Variants in FGF14 observed in about 807,000 individuals in gnomAD.
FGF14 encodes the protein fibroblast growth factor homologous factor 4.
FGF14 carries 5 observed loss-of-function variants against 25.5 expected under a neutral mutation model. The ratio of observed to expected loss-of-function variants is 0.20; its 90% CI spans 0.10 to 0.41. The LOEUF is 0.41. FGF14 is among the 10% of genes least tolerant of loss of function. FGF14 has a pLI of 1.00. For synonymous variants in FGF14, 138 were observed against 118.3 expected, an observed-to-expected ratio of 1.17 and a Z score of -1.08; for missense variants, 222 against 320.1, an observed-to-expected ratio of 0.69 and a Z score of 2.34.
At chr13:102,094,314 T>C (rs963266008) in intron 1 of FGF14, among the ~76,000 whole-genome samples, 2 of 152,206 alleles carry the variant, frequency 1.3e-5, no homozygotes, top group Admixed American at 1.3e-4. Context: ...AAGAACTTAA[T>C]ACCAGCAAAG....
intron 3 of FGF14, among the ~76,000 whole-genome samples, chr13:101,733,736 A>G (rs1224560986): frequency 6.6e-6 from 1 of 151,992 alleles, no homozygotes; most frequent in Non-Finnish European, 1.5e-5. Context: ...CTGTTACTTA[A>G]GTAGTTTCCC....
intron 3 of FGF14, among the ~76,000 whole-genome samples, chr13:101,825,331 A>G (rs140852208): frequency 2.0e-5 from 3 of 152,220 alleles, no homozygotes; most frequent in African/African-American, 7.2e-5. Context: ...CACATCTGGC[A>G]TCAGAAGTAA....
chr13:102,012,870 T>C (rs987302575), intron 1 of FGF14, among the ~76,000 whole-genome samples: 5 of 152,136 alleles, frequency 3.3e-5, no homozygotes, highest in African/African-American at 1.2e-4. Flanking sequence ...GCCCCCTTAT[T>C]AATCTCATCT....
chr13:101,966,571 C>A (rs4771413), intron 1 of FGF14, among the ~76,000 whole-genome samples: 2 of 151,970 alleles, frequency 1.3e-5, no homozygotes, highest in African/African-American at 2.4e-5. Flanking sequence ...CAACCTCCGC[C>A]TCCCAGGTTC....
intron 1 of FGF14, among the ~76,000 whole-genome samples, chr13:101,943,458 C>T (rs1566472105): frequency 6.6e-6 from 1 of 152,168 alleles, no homozygotes; most frequent in Non-Finnish European, 1.5e-5. Context: ...TTACTGACAT[C>T]TAGTTGGTAG....
intron 1 of FGF14, among the ~76,000 whole-genome samples, chr13:102,013,985 A>G (rs1239008756): frequency 6.6e-6 from 1 of 152,178 alleles, no homozygotes; most frequent in Non-Finnish European, 1.5e-5. Context: ...TATGTCAGGT[A>G]CTTTTAATGT....
rs543042949 is a variant in FGF14, at chr13:101,843,853, C to T, written c.408+24872G>A. Among the ~76,000 whole-genome samples the T allele has an allele frequency of 2.2e-4, 34 of 152,080 alleles. No individual in the cohort carries two copies. In the South Asian group the frequency reaches 6.6e-3, roughly 30 times the overall value. On this transcript the variant is annotated intron_variant, in intron 3 of 4. Coordinates refer to ENST00000376143, the MANE Select transcript of FGF14 (RefSeq NM_004115.4). The stretch of plus-strand genomic sequence containing the variant: ...TGCATGTAAAGAGAGCTCTGTCAAA[C>T]TCTGTGGGATTTACAGTAAGAACAT...
chr13:102,200,423 T>C (rs1451201685), intron 1 of FGF14, among the ~76,000 whole-genome samples: 1 of 152,228 alleles, frequency 6.6e-6, no homozygotes, highest in Non-Finnish European at 1.5e-5. Context: ...TTCATTTATA[T>C]CTTTCTCTTT....
intron 1 of FGF14, among the ~76,000 whole-genome samples, chr13:102,151,429 A>G (rs2047079863): frequency 6.6e-6 from 1 of 152,204 alleles, no homozygotes; most frequent in Admixed American, 6.5e-5. Context: ...CCCTACTCCC[A>G]AAACGAGAGT....
At chr13:101,818,966 T>C (rs2140224769) in intron 3 of FGF14, among the ~76,000 whole-genome samples, 1 of 152,270 alleles carries the variant, frequency 6.6e-6, no homozygotes, top group South Asian at 2.1e-4. Context: ...GTTCCCTTAT[T>C]GTGAAGCTTA....
intron 1 of FGF14, among the ~76,000 whole-genome samples, chr13:101,969,253 G>C (rs1167217299): frequency 6.6e-6 from 1 of 152,134 alleles, no homozygotes; most frequent in Non-Finnish European, 1.5e-5. Context: ...GGTTACTGGG[G>C]ATTGAAGGAT....
chr13:101,866,340 G>A (rs1323194), intron 3 of FGF14, among the ~76,000 whole-genome samples: 68,765 of 151,872 alleles, frequency 0.45, 16,583 homozygotes, highest in East Asian at 0.66. Flanking sequence ...TAAAAGCAGT[G>A]ATAATAAAAC....
intron 1 of FGF14, among the ~76,000 whole-genome samples, chr13:101,926,155 T>C (rs560905979): frequency 1.2e-4 from 19 of 152,304 alleles, no homozygotes; most frequent in African/African-American, 4.1e-4. Flanking sequence ...GATAAGGATA[T>C]GGGCACCTTG....
Position 102,095,999 on chromosome 13 carries a change from G to GTATA in FGF14, c.209-220704_209-220703insTATA, listed in dbSNP as rs1180718754. Among the ~76,000 whole-genome samples the GTATA allele has an allele frequency of 5.9e-3, 527 of 89,610 alleles. 2 individuals carry two copies. Among genetic ancestry groups the GTATA allele is most frequent in the African/African-American group, 0.013 (488 of 37,194 alleles). The allele number at this position is 89,610 out of a possible 152,430, so 58.8% of individuals were successfully genotyped here. ...AATTTGTGTGTGTGTGTGTGTGTGTGTGTATATATATATATATAATATATT... is the reference window on the plus strand; with the variant it reads ...AATTTGTGTGTGTGTGTGTGTGTGTGTATATGTATATATATATATATAATATATT... On this transcript the variant is annotated intron_variant, in intron 1 of 4. Transcript: ENST00000376131.
At chr13:102,322,562 T>C (rs777855560) in intron 1 of FGF14, among the ~76,000 whole-genome samples, 2 of 152,160 alleles carry the variant, frequency 1.3e-5, no homozygotes, top group Non-Finnish European at 2.9e-5. Flanking sequence ...CAAAACTTTG[T>C]CTTAAATTTG....
chr13:101,936,424 A>T (rs1366721374), intron 1 of FGF14, among the ~76,000 whole-genome samples: 1 of 152,192 alleles, frequency 6.6e-6, no homozygotes, highest in African/African-American at 2.4e-5. Flanking sequence ...AGTAACAGTC[A>T]CCATGGATTT....
Position 101,726,600 on chromosome 13 carries a change from C to G in FGF14, c.607+12G>C. The stretch of plus-strand genomic sequence containing the variant: ...TAAGTCTATGTAATAATAATGCATG[C>G]ATAATACTCACCTTCCAATGGCTTG... On this transcript the variant is annotated intron_variant, in intron 4 of 4. Transcript: ENST00000376143. 1 of 1,611,108 alleles carries G rather than the reference C, an allele frequency of 6.2e-7. No individual in the cohort carries two copies. Among genetic ancestry groups the G allele is most frequent in the Non-Finnish European group, 8.5e-7 (1 of 1,177,646 alleles).
intron 1 of FGF14, among the ~76,000 whole-genome samples, chr13:102,173,205 A>G (rs2048317427): frequency 6.6e-6 from 1 of 152,196 alleles, no homozygotes; most frequent in Non-Finnish European, 1.5e-5. Context: ...CTCTCTGAAG[A>G]CATACAGATA....
chr13:102,089,293 G>A (rs148811186), intron 1 of FGF14, among the ~76,000 whole-genome samples: 16 of 152,262 alleles, frequency 1.1e-4, no homozygotes, highest in Non-Finnish European at 1.5e-5. Flanking sequence ...GGTAGAAAAT[G>A]TCTAGAAATG....
Sources: allele counts gnomAD v4.1 joint callset (sites outside exome capture counted in the v4.1 genomes callset), GRCh38; gene constraint gnomAD v4.1.1; transcripts MANE v1.5; gene names NCBI Gene and HGNC (gene_info 2026-07-23, HGNC 2026-07-21).